The following ASPSCR1 variants were observed in gnomAD, a reference collection of about 807,000 sequenced individuals.
ASPSCR1 encodes the protein ASPSCR1 tether for SLC2A4, UBX domain containing.
ASPSCR1 carries 55 observed loss-of-function variants against 68.9 expected under a neutral mutation model. The observed-to-expected ratio is 0.80, with a 90% CI of 0.64 to 1.00. The LOEUF (loss-of-function observed/expected upper bound fraction) is 1.00, where lower values mean the gene tolerates loss of function less well. Ranked by LOEUF, ASPSCR1 falls within the 50% of genes least tolerant of loss-of-function variation. The pLI is 0.00. For synonymous variants in ASPSCR1, 352 were observed against 332.6 expected, an observed-to-expected ratio of 1.06 and a Z score of -0.63; for missense variants, 765 against 762.2, an observed-to-expected ratio of 1.00 and a Z score of -0.04.
chr17:81,985,481 A>T, intron 3 of ASPSCR1, 26 bp from the exon 4 acceptor site: 1 of 1,606,342 alleles, frequency 6.2e-7, no homozygotes, highest in Non-Finnish European at 8.5e-7. Flanking sequence ...TTCCTAAGGA[A>T]GTTTCTCATG....
At chr17:82,010,749 G>T in intron 9 of ASPSCR1, 53 bp from the exon 10 acceptor site, 1 of 1,576,002 alleles carries the variant, frequency 6.3e-7, no homozygotes. Flanking sequence ...CCACGCCCTG[G>T]TCCCTGGTGC....
intron 10 of ASPSCR1, 50 bp downstream of exon 10, chr17:82,010,918 G>T (rs756720633): frequency 3.8e-6 from 6 of 1,584,160 alleles, no homozygotes; most frequent in Non-Finnish European, 5.2e-6. Context: ...GGCCCATGGG[G>T]CCTCTCCCGG....
intron 4 of ASPSCR1, among the ~76,000 whole-genome samples, chr17:81,992,450 CCT>C (rs1224782909): frequency 6.6e-6 from 1 of 152,196 alleles, no homozygotes; most frequent in Non-Finnish European, 1.5e-5. Flanking sequence ...GTGCTCTGTC[CCT>C]GTTTGTGATT....
rs993373998 is a variant in ASPSCR1 at position 81,977,869 on chromosome 17, T to C, written c.102+121T>C. ...GGGCCTCGGCGGCCAATGAGCGGCCTCCTGAGCGGCGGCCCCGCCCCCTGC... is the reference window on the plus strand; with the variant it reads ...GGGCCTCGGCGGCCAATGAGCGGCCCCCTGAGCGGCGGCCCCGCCCCCTGC... On this transcript the variant is annotated intron_variant, in intron 1 of 15. Transcript: ENST00000306739. The surrounding 1 kb of genome is among the most constrained non-coding windows in gnomAD (Gnocchi z 5.0). 1.6e-5 allele frequency: 11 copies of C among 674,218 alleles called. No individual in the cohort carries two copies. Among genetic ancestry groups the C allele is most frequent in the Non-Finnish European group, 2.2e-5 (11 of 496,730 alleles). 41.8% of individuals were successfully genotyped at this position (674,218 alleles called of 1,614,324 possible). A position where few individuals can be genotyped will look rare whatever the true frequency, so the allele number is the denominator to read the frequency against.
chr17:82,009,305 C>T, intron 8 of ASPSCR1, 114 bp downstream of exon 8: 2 of 1,434,360 alleles, frequency 1.4e-6, no homozygotes, highest in Non-Finnish European at 1.9e-6. Context: ...AGGTCCCTGA[C>T]AGGCTGCCCT....
intron 9 of ASPSCR1, among the ~76,000 whole-genome samples, chr17:82,010,346 G>A (rs184120981): frequency 0.015 from 2,265 of 151,262 alleles, 57 homozygotes; most frequent in African/African-American, 0.05. Context: ...TGGCTGACAC[G>A]GTGAAACCCC....
Position 81,994,863 on chromosome 17 carries a change from G to T in ASPSCR1, c.417G>T (p.Val139=). 1 of 1,612,900 alleles carries T rather than the reference G, an allele frequency of 6.2e-7. No homozygotes were observed. The highest frequency in any genetic ancestry group is 1.3e-5 in the African/African-American group (1 of 75,046). Residue 139 remains valine, a synonymous_variant, in exon 5 of 16, where the codon GTG becomes GTT. Coordinates refer to ENST00000306739, the MANE Select transcript of ASPSCR1 (RefSeq NM_024083.4). ...CCGGCGGGGCCACCCCAGTCTGCGT[G>T]TACACGAGGGATGAGGTAGGCGGCC... is the stretch of plus-strand genomic sequence containing the variant. ...QHPGGATPVC[V]YTRDEVTGEA... is the part of the protein sequence containing the mutation.
chr17:82,012,259 C>CGACCA lies in ASPSCR1; in HGVS notation c.1330_1334dup (p.His445GlnfsTer93). On this transcript the variant is annotated frameshift_variant, in exon 12 of 16. Transcript: ENST00000306739. LOFTEE classifies it high-confidence loss of function. ...TCACCCCTCCAAAAACAGTCCTGGACGACCACACGCAGACCCTCTTTCAGG... is the reference window on the plus strand; with the variant it reads ...TCACCCCTCCAAAAACAGTCCTGGACGACCAGACCACACGCAGACCCTCTTTCAGG... The CGACCA allele has an allele frequency of 6.2e-7, 1 of 1,613,544 alleles. No individual in the cohort carries two copies. Among genetic ancestry groups the CGACCA allele is most frequent in the South Asian group, 1.1e-5 (1 of 91,078 alleles).
rs1220517633 is a variant in ASPSCR1 at position 81,996,605 on chromosome 17, A to G, written c.692A>G (p.Lys231Arg). Residue 231 changes from lysine to arginine, a missense_variant, in exon 7 of 16, where the codon AAG becomes AGG. Lys to Arg is a conservative substitution (Grantham distance 26). Transcript: ENST00000306739. ...CCCTGCTGCGAGCACACTCAGGAGA[A>G]GCAGAGCACAAGGGCACCCGCAGCT... ...SGPCCEHTQEKQSTRAPAAAP... is the reference protein window; with the variant it reads ...SGPCCEHTQERQSTRAPAAAP... 6.2e-7 allele frequency: 1 copy of G among 1,611,578 alleles called. No individual in the cohort carries two copies. Among genetic ancestry groups the G allele is most frequent in the Middle Eastern group, 1.7e-4 (1 of 6,044 alleles).
In ASPSCR1 at chr17:81,993,509, G is replaced by A. The variant is rs537994530; in HGVS notation, c.375-1312G>A. The stretch of plus-strand genomic sequence containing the variant: ...ATTACAGGCGTGAGCCACCGCGCCC[G>A]GCTGAGTCCTGCTCTTTCAAGTAGG... On this transcript the variant is annotated intron_variant, in intron 4 of 15. Transcript: ENST00000306739. Among the ~76,000 whole-genome samples, 7 of 152,272 alleles carry A rather than the reference G, an allele frequency of 4.6e-5. No homozygotes were observed. The South Asian group carries it at 1.0e-3, about 23-fold the overall frequency.
Position 81,990,442 on chromosome 17 carries a change from G to A in ASPSCR1, c.375-4379G>A, listed in dbSNP as rs945766987. ...ACAGAGGGGTGTGAACAGCCACGCC[G>A]AGCTCTGGGGGACACTGCTCTCCGC... On this transcript the variant is annotated intron_variant, in intron 4 of 15. Transcript: ENST00000306739. The surrounding 1 kb of genome is among the most constrained non-coding windows in gnomAD (Gnocchi z 4.1). Among the ~76,000 whole-genome samples, 2 of 152,296 alleles carry A rather than the reference G, an allele frequency of 1.3e-5. No homozygotes were observed. Among genetic ancestry groups the A allele is most frequent in the Admixed American group, 6.5e-5 (1 of 15,300 alleles).
chr17:81,997,388 A>G (rs2042386973), intron 7 of ASPSCR1, among the ~76,000 whole-genome samples: 1 of 151,780 alleles, frequency 6.6e-6, no homozygotes, highest in South Asian at 2.1e-4. Context: ...CGCATCAGCC[A>G]GTCTTCAATC....
chr17:81,994,983 C>A, intron 5 of ASPSCR1, 105 bp downstream of exon 5: 2 of 1,257,868 alleles, frequency 1.6e-6, no homozygotes, highest in Non-Finnish European at 2.2e-6. Flanking sequence ...TGGCGGGAGA[C>A]TCGGGCTCTT....
chr17:81,995,752 A>C (rs1047925373), intron 5 of ASPSCR1, among the ~76,000 whole-genome samples: 1 of 152,140 alleles, frequency 6.6e-6, no homozygotes, highest in Admixed American at 6.5e-5. Context: ...AGCTGCGGAG[A>C]CCAGGCTGGG....
chr17:82,001,901 C>G (rs901520019), intron 7 of ASPSCR1, among the ~76,000 whole-genome samples: 1 of 152,178 alleles, frequency 6.6e-6, no homozygotes, highest in South Asian at 2.1e-4. Flanking sequence ...ACACGCCTGC[C>G]ACACCGTAAC....
chr17:81,995,418 C>T lies in ASPSCR1; in HGVS notation c.432+540C>T, dbSNP rs112056046. ...CGTCCTCCCTTGAGGGGATGAGCCA[C>T]GGGGCTCAGGACCCAGGCCCAGCAC... On this transcript the variant is annotated intron_variant, in intron 5 of 15. Transcript: ENST00000306739. The T allele has an allele frequency of 6.8e-3, 1,442 of 211,758 alleles. 27 individuals are homozygous for T. Among genetic ancestry groups the T allele is most frequent in the Non-Finnish European group, 6.3e-3 (665 of 105,926 alleles). The allele number at this position is 211,758 out of a possible 1,614,324, so 13.1% of individuals were successfully genotyped here.
intron 11 of ASPSCR1, 102 bp downstream of exon 11, chr17:82,011,707 C>G: frequency 1.5e-6 from 2 of 1,320,324 alleles, no homozygotes; most frequent in Non-Finnish European, 2.1e-6. Flanking sequence ...AGCTTCTCCA[C>G]AGGAGCAGCA....
chr17:82,011,359 C>T (rs2042934754), intron 10 of ASPSCR1, among the ~76,000 whole-genome samples, 184 bp from the exon 11 acceptor site: 1 of 152,136 alleles, frequency 6.6e-6, no homozygotes, highest in Non-Finnish European at 1.5e-5. Context: ...GGCGGGGGTC[C>T]CAAGTGTGGC....
At chr17:82,016,203 T>G (rs2043120185) in intron 12 of ASPSCR1, 1 of 512,802 alleles carries the variant, frequency 2.0e-6, no homozygotes, top group South Asian at 2.9e-5. Context: ...ACGGTGATGC[T>G]GCATGGCTTG....
Sources: allele counts gnomAD v4.1 joint callset (sites outside exome capture counted in the v4.1 genomes callset), GRCh38; gene constraint gnomAD v4.1.1; non-coding constraint Gnocchi (gnomAD v3.1); transcripts MANE v1.5; gene names NCBI Gene and HGNC (gene_info 2026-07-23, HGNC 2026-07-21).